The following TBC1D1 variants were observed in gnomAD, a reference collection of about 807,000 sequenced individuals.
TBC1D1 encodes TBC1 (tre-2/USP6, BUB2, cdc16) domain family, member 1.
A neutral mutation model predicts 125.6 loss-of-function variants in TBC1D1; 89 were observed. That is an observed-to-expected ratio of 0.71 (90% CI 0.60 to 0.85). The LOEUF is 0.85. TBC1D1 is among the 40% of genes least tolerant of loss of function. TBC1D1 has a pLI of 0.00. For synonymous variants in TBC1D1, 565 were observed against 564.1 expected, an observed-to-expected ratio of 1.00 and a Z score of -0.02; for missense variants, 1,377 against 1,469.2, an observed-to-expected ratio of 0.94 and a Z score of 1.03.
At chr4:37,972,962 T>C (rs1441576699) in intron 2 of TBC1D1, among the ~76,000 whole-genome samples, 1 of 152,044 alleles carries the variant, frequency 6.6e-6, no homozygotes, top group Non-Finnish European at 1.5e-5. Flanking sequence ...TTTTCTGATG[T>C]TAAGTTTCCT....
rs1272687775 is a variant in TBC1D1, at chr4:38,121,965, TCCTTCC to T, written c.2963-2996_2963-2991del. ...TCCTCCCAAGCAAAGCTTCCTGCAG[TCCTTCC>T]TTCAACTCTGAATTCAAGCACATTC... On this transcript the variant is annotated intron_variant, in intron 17 of 19. Coordinates refer to ENST00000261439, the MANE Select transcript of TBC1D1 (RefSeq NM_015173.4). Among the ~76,000 whole-genome samples, 3 of 152,146 alleles carry T rather than the reference TCCTTCC, an allele frequency of 2.0e-5. No individual in the cohort carries two copies. The East Asian group carries it at 5.8e-4, about 29-fold the overall frequency.
chr4:37,952,209 A>C lies in TBC1D1; in HGVS notation c.417+49697A>C, dbSNP rs147311069. The stretch of plus-strand genomic sequence containing the variant: ...TCCTGTGACTTCACACGCGCTTGGA[A>C]GTTTTGTTGTGATCTTCGCTGAGTC... On this transcript the variant is annotated intron_variant, in intron 2 of 19. Coordinates refer to ENST00000261439, the MANE Select transcript of TBC1D1 (RefSeq NM_015173.4). The C allele has an allele frequency of 1.5e-3, 939 of 622,226 alleles. 5 individuals carry two copies. The African/African-American group carries it at 0.015, about 10-fold the overall frequency. The allele number at this position is 622,226 out of a possible 1,614,324, so 38.5% of individuals were successfully genotyped here. A position where few individuals can be genotyped will look rare whatever the true frequency, so the allele number is the denominator to read the frequency against.
chr4:38,090,109 AGCTCCAAGGTTGGTTT>A lies in TBC1D1; in HGVS notation c.2231_2236+10del, dbSNP rs1171858796. The A allele has an allele frequency of 6.2e-7, 1 of 1,614,104 alleles. No individual in the cohort carries two copies. The highest frequency in any genetic ancestry group is 1.7e-5 in the Admixed American group (1 of 59,988). On this transcript the variant is annotated splice_donor_variant and splice_donor_5th_base_variant and coding_sequence_variant and intron_variant, in exon 13 of 20. Transcript: ENST00000261439. LOFTEE classifies it high-confidence loss of function. ...CTTAGAATGGAGAAGGAAAATCAGAAGCTCCAAGGTTGGTTTGCCATCTTGATATTGAACAGGCCTG... is the reference window on the plus strand; with the variant it reads ...CTTAGAATGGAGAAGGAAAATCAGAAGCCATCTTGATATTGAACAGGCCTG...
chr4:37,907,376 C>G (rs1370542103), intron 2 of TBC1D1, among the ~76,000 whole-genome samples: 1 of 152,120 alleles, frequency 6.6e-6, no homozygotes, highest in Non-Finnish European at 1.5e-5. Context: ...ATCCATTGAT[C>G]TATCTAGCAG....
At chr4:38,099,142 C>G (rs1410427008) in intron 14 of TBC1D1, among the ~76,000 whole-genome samples, 1 of 152,170 alleles carries the variant, frequency 6.6e-6, no homozygotes, top group Non-Finnish European at 1.5e-5. Flanking sequence ...TTTATAAAAA[C>G]TTACTCTAGA....
At chr4:37,915,979 G>C (rs1452197864) in intron 2 of TBC1D1, among the ~76,000 whole-genome samples, 2 of 152,182 alleles carry the variant, frequency 1.3e-5, no homozygotes, top group Non-Finnish European at 2.9e-5. Flanking sequence ...TGTCATGAAG[G>C]CTGAGCAGCC....
Position 38,014,471 on chromosome 4 carries a change from C to T in TBC1D1, c.418-38C>T. The T allele has an allele frequency of 6.3e-7, 1 of 1,589,730 alleles. No individual in the cohort carries two copies. ...ATTCATTCCGTGAGTGCCAGCCACA[C>T]TGCATGTTCCAAATAACACGCCTCT... On this transcript the variant is annotated intron_variant, in intron 2 of 19. Coordinates refer to ENST00000261439, the MANE Select transcript of TBC1D1 (RefSeq NM_015173.4). This position sits in a 1 kb window ranked among gnomAD's most constrained non-coding sequence, Gnocchi z 5.1.
intron 6 of TBC1D1, among the ~76,000 whole-genome samples, chr4:38,027,094 T>C (rs2152444843): frequency 6.6e-6 from 1 of 152,320 alleles, no homozygotes; most frequent in South Asian, 2.1e-4. Context: ...TGTTTTAACA[T>C]GGAGAAAGTA....
intron 12 of TBC1D1, among the ~76,000 whole-genome samples, chr4:38,059,652 A>T (rs192768521): frequency 1.3e-5 from 2 of 152,342 alleles, no homozygotes; most frequent in Non-Finnish European, 2.9e-5. Flanking sequence ...GTAACTATAC[A>T]CTAGGCAGAG....
rs770375825 is a variant in TBC1D1, at chr4:38,014,491, G to A, written c.418-18G>A. The A allele has an allele frequency of 3.1e-6, 5 of 1,604,162 alleles. No individual in the cohort carries two copies. The highest frequency in any genetic ancestry group is 3.4e-6 in the Non-Finnish European group (4 of 1,172,554). On this transcript the variant is annotated intron_variant, in intron 2 of 19. Transcript: ENST00000261439. The surrounding 1 kb of genome is among the most constrained non-coding windows in gnomAD (Gnocchi z 5.1). ...CCACACTGCATGTTCCAAATAACAC[G>A]CCTCTCTCTCTCCTCAGGTGCCTGA...
intron 2 of TBC1D1, among the ~76,000 whole-genome samples, chr4:37,988,207 G>A (rs1458959834): frequency 1.3e-5 from 2 of 152,228 alleles, no homozygotes; most frequent in East Asian, 3.8e-4. Flanking sequence ...CCTAGGGCAA[G>A]TTACACTTGC....
chr4:37,990,927 C>T (rs917507527), intron 2 of TBC1D1, among the ~76,000 whole-genome samples: 4 of 152,128 alleles, frequency 2.6e-5, no homozygotes, highest in African/African-American at 7.2e-5. Flanking sequence ...TGTTTCCAGA[C>T]GTTCTTGGTC....
intron 19 of TBC1D1, among the ~76,000 whole-genome samples, chr4:38,134,325 T>C (rs567203649): frequency 3.9e-5 from 6 of 152,192 alleles, no homozygotes; most frequent in Admixed American, 1.3e-4. Context: ...CTATCAGATA[T>C]GTGAAAGAGA....
chr4:38,115,347 C>G (rs1436692104), intron 15 of TBC1D1, among the ~76,000 whole-genome samples: 1 of 152,112 alleles, frequency 6.6e-6, no homozygotes, highest in Non-Finnish European at 1.5e-5. Context: ...GGCGATCCTT[C>G]CACCTAGGCC....
chr4:38,072,083 G>C (rs562470920), intron 12 of TBC1D1, among the ~76,000 whole-genome samples: 1 of 152,214 alleles, frequency 6.6e-6, no homozygotes, highest in African/African-American at 2.4e-5. Flanking sequence ...TCCTTTGTGA[G>C]ATAGGGCTAG....
chr4:38,083,920 C>T, intron 12 of TBC1D1, among the ~76,000 whole-genome samples: 1 of 150,324 alleles, frequency 6.7e-6, no homozygotes, highest in East Asian at 2.0e-4. Context: ...TTCTTTATAC[C>T]AAATGAATGT....
intron 7 of TBC1D1, among the ~76,000 whole-genome samples, chr4:38,034,139 G>A (rs1424068598): frequency 1.3e-5 from 2 of 152,220 alleles, no homozygotes; most frequent in Non-Finnish European, 2.9e-5. Flanking sequence ...GGGAGTTCTT[G>A]TTGTTTTGTG....
intron 18 of TBC1D1, among the ~76,000 whole-genome samples, chr4:38,131,306 A>G (rs900034033): frequency 4.6e-5 from 7 of 152,234 alleles, no homozygotes; most frequent in South Asian, 4.1e-4. Context: ...AAAAAAAGTA[A>G]TAGTGTACAT....
chr4:38,110,186 G>A (rs73134642), intron 15 of TBC1D1: 15,499 of 985,012 alleles, frequency 0.016, 391 homozygotes, highest in African/African-American at 0.1. Context: ...CAGTCAGATG[G>A]GCTCTGAATA....
Sources: gnomAD v4.1 joint callset for allele counts (sites outside exome capture counted in the v4.1 genomes callset) on GRCh38, gnomAD v4.1.1 for gene constraint, Gnocchi (gnomAD v3.1) non-coding constraint, MANE v1.5 for transcripts, NCBI Gene and HGNC (gene_info 2026-07-23, HGNC 2026-07-21) for gene names.